Variants in HTR1F observed in about 807,000 individuals in gnomAD.
HTR1F encodes 5-hydroxytryptamine receptor 1F.
HTR1F carries 17 observed loss-of-function variants against 24.0 expected under a neutral mutation model. That is an observed-to-expected ratio of 0.71 (90% CI 0.48 to 1.06). HTR1F has a LOEUF of 1.06. Among genes scored for constraint, HTR1F ranks in the 50% least tolerant of loss-of-function variants. HTR1F has a pLI of 0.00. For missense variants in HTR1F, 391 were observed against 427.8 expected, an observed-to-expected ratio of 0.91 and a Z score of 0.76; for synonymous variants, 186 against 156.8, an observed-to-expected ratio of 1.19 and a Z score of -1.39.
At chr3:87,920,039 AT>A (rs1703979750) in intron 2 of HTR1F, among the ~76,000 whole-genome samples, 1 of 148,746 alleles carries the variant, frequency 6.7e-6, no homozygotes, top group Admixed American at 6.8e-5. Flanking sequence ...TTATATATAT[AT>A]ATATATATAT....
chr3:87,967,447 CAA>C (rs71131532), intron 2 of HTR1F, among the ~76,000 whole-genome samples: 27 of 149,124 alleles, frequency 1.8e-4, no homozygotes, highest in South Asian at 4.2e-4. Flanking sequence ...GAAACTGTCT[CAA>C]AAAAAAAAAA....
chr3:87,924,432 C>A (rs992411059), intron 2 of HTR1F, among the ~76,000 whole-genome samples: 3 of 151,876 alleles, frequency 2.0e-5, no homozygotes, highest in Non-Finnish European at 2.9e-5. Flanking sequence ...CGATTTGATT[C>A]TTTTCTTTCT....
At chr3:87,978,166 A>G (rs1441791449) in intron 2 of HTR1F, among the ~76,000 whole-genome samples, 1 of 152,012 alleles carries the variant, frequency 6.6e-6, no homozygotes, top group Non-Finnish European at 1.5e-5. Context: ...GTGGGCACCC[A>G]CCTCTGGATG....
At chr3:87,810,807 C>T (rs1330142790) in intron 1 of HTR1F, among the ~76,000 whole-genome samples, 1 of 152,252 alleles carries the variant, frequency 6.6e-6, no homozygotes, top group East Asian at 1.9e-4. Context: ...TGTTCCCCAA[C>T]TTGTGGCTTT....
At chr3:87,945,949 G>A (rs763759886) in intron 2 of HTR1F, among the ~76,000 whole-genome samples, 6 of 152,060 alleles carry the variant, frequency 3.9e-5, no homozygotes, top group East Asian at 3.9e-4. Context: ...GGCAAGCCTC[G>A]GGTTCTCTGA....
At chr3:87,926,475 C>A (rs907523987) in intron 2 of HTR1F, among the ~76,000 whole-genome samples, 3 of 152,126 alleles carry the variant, frequency 2.0e-5, no homozygotes, top group African/African-American at 7.2e-5. Context: ...ATTTACATGT[C>A]CCCTAATCTG....
At chr3:87,932,863 A>G (rs909641470) in intron 2 of HTR1F, among the ~76,000 whole-genome samples, 2 of 151,794 alleles carry the variant, frequency 1.3e-5, no homozygotes, top group African/African-American at 4.9e-5. Context: ...TGAGGCCAGC[A>G]TCATCCTGAT....
At chr3:87,834,051 A>G (rs1214487596) in intron 2 of HTR1F, among the ~76,000 whole-genome samples, 1 of 152,180 alleles carries the variant, frequency 6.6e-6, no homozygotes, top group Admixed American at 6.5e-5. Context: ...GAAACTACTT[A>G]ATAGGGTGAG....
At chr3:87,878,078 G>T (rs1162944481) in intron 2 of HTR1F, among the ~76,000 whole-genome samples, 1 of 152,136 alleles carries the variant, frequency 6.6e-6, no homozygotes, top group Non-Finnish European at 1.5e-5. Flanking sequence ...TCTTGAGAAT[G>T]GATTAAGTTT....
intron 2 of HTR1F, among the ~76,000 whole-genome samples, chr3:87,926,389 T>A (rs1008918095): frequency 6.6e-6 from 1 of 152,190 alleles, no homozygotes; most frequent in African/African-American, 2.4e-5. Flanking sequence ...ATCATGTAGA[T>A]GACTCTCCTA....
At chr3:87,892,044 A>T (rs1208098826) in intron 2 of HTR1F, among the ~76,000 whole-genome samples, 1 of 152,172 alleles carries the variant, frequency 6.6e-6, no homozygotes, top group Non-Finnish European at 1.5e-5. Context: ...AAAGGGGAAA[A>T]ATCAAACTCA....
chr3:87,914,780 G>T (rs572527897), intron 2 of HTR1F, among the ~76,000 whole-genome samples: 1 of 151,980 alleles, frequency 6.6e-6, no homozygotes, highest in Non-Finnish European at 1.5e-5. Flanking sequence ...GAAGACAAGG[G>T]GAATATACTC....
intron 2 of HTR1F, among the ~76,000 whole-genome samples, chr3:87,910,728 C>A (rs555504131): frequency 6.6e-6 from 1 of 151,982 alleles, no homozygotes; most frequent in Non-Finnish European, 1.5e-5. Context: ...AGACATAAAA[C>A]AATCCTCAGC....
intron 2 of HTR1F, among the ~76,000 whole-genome samples, chr3:87,846,124 G>T (rs1212584833): frequency 6.6e-6 from 1 of 151,900 alleles, no homozygotes; most frequent in African/African-American, 2.4e-5. Context: ...AAAACACATA[G>T]TTATATAAAA....
At chr3:87,891,460 C>T (rs1393485888) in intron 2 of HTR1F, among the ~76,000 whole-genome samples, 1 of 152,032 alleles carries the variant, frequency 6.6e-6, no homozygotes, top group Non-Finnish European at 1.5e-5. Flanking sequence ...CACCTAAATC[C>T]CTCAAGCATT....
At chr3:87,836,259 G>A (rs1018342544) in intron 2 of HTR1F, among the ~76,000 whole-genome samples, 2 of 152,172 alleles carry the variant, frequency 1.3e-5, no homozygotes, top group Non-Finnish European at 1.5e-5. Flanking sequence ...TAAAGTTAAT[G>A]TAGTCATAAA....
chr3:87,842,687 G>A (rs1704835745), intron 2 of HTR1F, among the ~76,000 whole-genome samples: 1 of 151,852 alleles, frequency 6.6e-6, no homozygotes, highest in Admixed American at 6.6e-5. Context: ...ATGTAAAACA[G>A]TATCCAAATT....
chr3:87,916,961 A>G (rs770017461), intron 2 of HTR1F, among the ~76,000 whole-genome samples: 15 of 152,026 alleles, frequency 9.9e-5, no homozygotes, highest in Non-Finnish European at 1.9e-4. Flanking sequence ...CACATGATAG[A>G]CCACAAAACA....
At chr3:87,928,311 G>T (rs1364143943) in intron 2 of HTR1F, among the ~76,000 whole-genome samples, 1 of 152,044 alleles carries the variant, frequency 6.6e-6, no homozygotes, top group Non-Finnish European at 1.5e-5. Context: ...CTCTCAAAGT[G>T]CTGGATTACA....
Sources: gnomAD v4.1 joint callset for allele counts (sites outside exome capture counted in the v4.1 genomes callset) on GRCh38, gnomAD v4.1.1 for gene constraint, MANE v1.5 for transcripts, NCBI Gene and HGNC (gene_info 2026-07-23, HGNC 2026-07-21) for gene names.